KDM3A: variants seen among roughly 807,000 people sequenced by gnomAD.
The protein encoded by KDM3A is lysine demethylase 3A, also known as lysine-specific demethylase 3A.
In KDM3A, 60 loss-of-function variants were observed where a neutral mutation model predicts 158.0. The observed-to-expected ratio is 0.38, with a 90% CI of 0.31 to 0.47. The LOEUF (loss-of-function observed/expected upper bound fraction) is 0.47. Among genes scored for constraint, KDM3A ranks in the 20% least tolerant of loss-of-function variants. The pLI is 0.99. For missense variants in KDM3A, 1,319 were observed against 1,574.3 expected (o/e 0.84, Z 2.74); for synonymous variants, 608 against 549.3 (o/e 1.11, Z -1.49).
At position 86,466,593 on chromosome 2, in the gene KDM3A, T is replaced by G; in HGVS notation, c.1229T>G (p.Leu410Trp). 6.2e-7 allele frequency: 1 copy of G among 1,613,982 alleles called. No individual in the cohort carries two copies. The highest frequency in any genetic ancestry group is 8.5e-7 in the Non-Finnish European group (1 of 1,179,902). The change falls in exon 10 of 26, where the codon TTG becomes TGG. Residue 410 changes from leucine (L) to tryptophan (W), a missense_variant. By Grantham distance (61) the Leu-to-Trp change is moderately conservative. Around this residue, in one of 4 missense-constraint regions of KDM3A, gnomAD observed 652 missense variants for 627.2 expected, o/e 1.04. Transcript: ENST00000312912. ...ENRLESVPQA[L>W]TGLPKECLPT... ...AGATTGGAGTCTGTTCCACAAGCAT[T>G]GACTGGCCTTCCTAAGGAGTGCTTA...
At chr2:86,482,969 A>G in intron 18 of KDM3A, 5 of 423,276 alleles carry the variant, frequency 1.2e-5, no homozygotes, top group South Asian at 5.3e-5. Flanking sequence ...GGTGATTCCT[A>G]TGGTAAACTT....
intron 11 of KDM3A, among the ~76,000 whole-genome samples, chr2:86,473,660 G>A (rs1469017447): frequency 6.6e-6 from 1 of 152,152 alleles, no homozygotes; most frequent in African/African-American, 2.4e-5. Context: ...TAAGGTGGGA[G>A]GATTGCTGAA....
intron 23 of KDM3A, 123 bp downstream of exon 23, chr2:86,489,782 CTGTCAGAT>C (rs1223823027): frequency 7.8e-6 from 8 of 1,031,198 alleles, no homozygotes; most frequent in Non-Finnish European, 1.1e-5. Flanking sequence ...AAATCTGTAC[CTGTCAGAT>C]TGAATAGGCT....
rs753995569 is a variant in KDM3A at position 86,456,856 on chromosome 2, C to A, written c.733C>A (p.His245Asn). The change falls in exon 7 of 26, where the codon CAC becomes AAC. Residue 245 changes from histidine to asparagine, a missense_variant. Physicochemically the swap from His to Asn is moderately conservative, Grantham distance 68. Around this residue, in one of 4 missense-constraint regions of KDM3A, gnomAD observed 652 missense variants for 627.2 expected, o/e 1.04. Coordinates refer to ENST00000312912, the MANE Select transcript of KDM3A (RefSeq NM_018433.6). Reference sequence around the variant, plus strand: ...GTCACTGATTCATGTTGAAGTTGTACACGATAACCTTGTGACATGTGGTAA... The same window carrying A: ...GTCACTGATTCATGTTGAAGTTGTAAACGATAACCTTGTGACATGTGGTAA... ...DPSLIHVEVV[H>N]DNLVTCGNSA... The A allele has an allele frequency of 1.2e-6, 2 of 1,611,712 alleles. No individual in the cohort carries two copies. Among genetic ancestry groups the A allele is most frequent in the Non-Finnish European group, 1.7e-6 (2 of 1,178,060 alleles).
intron 8 of KDM3A, 78 bp from the exon 9 acceptor site, chr2:86,463,975 G>C: frequency 9.3e-7 from 1 of 1,073,614 alleles, no homozygotes; most frequent in Admixed American, 2.6e-5. Context: ...TTAAGCAAAT[G>C]ATCTTAAATT....
chr2:86,484,916 A>T (rs1292850148), intron 19 of KDM3A, 26 bp from the exon 20 acceptor site: 16 of 1,387,158 alleles, frequency 1.2e-5, no homozygotes, highest in Non-Finnish European at 1.6e-5. Context: ...TATAAATAGT[A>T]ATAGTTCATT....
intron 10 of KDM3A, chr2:86,467,351 A>AG (rs1205627667): frequency 6.5e-6 from 1 of 153,650 alleles, no homozygotes; most frequent in Non-Finnish European, 1.4e-5. Context: ...TGGAGTAGGA[A>AG]GAGGTGATCT....
chr2:86,460,399 A>G (rs1672878492), intron 8 of KDM3A, among the ~76,000 whole-genome samples: 1 of 152,170 alleles, frequency 6.6e-6, no homozygotes, highest in Non-Finnish European at 1.5e-5. Flanking sequence ...CTGGAGAGAT[A>G]AAGGGAGCAG....
chr2:86,466,318 A>C, intron 9 of KDM3A, 54 bp from the exon 10 acceptor site: 1 of 1,517,742 alleles, frequency 6.6e-7, no homozygotes, highest in East Asian at 2.3e-5. Flanking sequence ...TGGGGAAGAT[A>C]ATGGAGAGAT....
At chr2:86,480,094 T>C in intron 15 of KDM3A, 73 bp from the exon 16 acceptor site, 1 of 1,183,194 alleles carries the variant, frequency 8.5e-7, no homozygotes, top group Non-Finnish European at 1.3e-6. Flanking sequence ...GGTCGGCTAT[T>C]AGGAGAGAAG....
chr2:86,466,905 T>G (rs765533091), intron 10 of KDM3A, 22 bp downstream of exon 10: 17 of 1,546,578 alleles, frequency 1.1e-5, no homozygotes, highest in Admixed American at 1.9e-5. Context: ...TCAATATCTT[T>G]ATTGGTAGAA....
At chr2:86,439,256 T>A (rs1257473939), upstream of KDM3A, among the ~76,000 whole-genome samples, 1 of 152,006 alleles carries the variant, frequency 6.6e-6, no homozygotes, top group East Asian at 1.9e-4. Flanking sequence ...TAACCTGTCA[T>A]GGTGAATTTT....
chr2:86,478,054 C>T (rs1177707078), intron 13 of KDM3A, 25 bp downstream of exon 13: 8 of 1,613,844 alleles, frequency 5.0e-6, no homozygotes, highest in Non-Finnish European at 6.8e-6. Flanking sequence ...GATTCTCCTC[C>T]AGCCCCTCTA....
chr2:86,464,863 G>C (rs1490304883), intron 9 of KDM3A, among the ~76,000 whole-genome samples: 1 of 152,216 alleles, frequency 6.6e-6, no homozygotes, highest in Non-Finnish European at 1.5e-5. Flanking sequence ...AGGTCAGAGA[G>C]ACTGTGGTAT....
At chr2:86,462,615 A>G (rs1351666571) in intron 8 of KDM3A, among the ~76,000 whole-genome samples, 5 of 152,362 alleles carry the variant, frequency 3.3e-5, no homozygotes, top group Non-Finnish European at 7.3e-5. Flanking sequence ...AGTGTAATAT[A>G]TGATCAGATA....
rs1682891345 is a variant in KDM3A at position 86,444,868 on chromosome 2, G to A, written c.186+2635G>A. ...ACCACTTACTTAGATGACAAAAAGA[G>A]AATATGTCTAGTAGTTGGTTACAGA... On this transcript the variant is annotated intron_variant, in intron 2 of 25. Transcript: ENST00000312912. 3.9e-5 allele frequency among the ~76,000 whole-genome samples: 6 copies of A among 152,276 alleles called. 1 individual carries two copies. In the Middle Eastern group the frequency reaches 0.014, roughly 345 times the overall value.
intron 18 of KDM3A, chr2:86,483,764 C>G (rs934795757): frequency 7.5e-6 from 3 of 398,066 alleles, no homozygotes; most frequent in African/African-American, 4.1e-5. Context: ...CTCCTAGATG[C>G]TTACCCATGT....
intron 16 of KDM3A, 53 bp from the exon 17 acceptor site, chr2:86,481,877 G>A: frequency 1.4e-6 from 2 of 1,390,834 alleles, no homozygotes; most frequent in East Asian, 2.3e-5. Flanking sequence ...ATACTAATAA[G>A]GGATTTGCCT....
chr2:86,480,517 G>A (rs1180525002), intron 16 of KDM3A, among the ~76,000 whole-genome samples, 155 bp downstream of exon 16: 4 of 152,164 alleles, frequency 2.6e-5, no homozygotes, highest in Non-Finnish European at 4.4e-5. Flanking sequence ...TTGAAATGCA[G>A]CACCAAAGAG....
Sources: gnomAD v4.1 joint callset for allele counts (sites outside exome capture counted in the v4.1 genomes callset) on GRCh38, gnomAD v4.1.1 for gene constraint, gnomAD v4.1.1 regional missense constraint, MANE v1.5 for transcripts, NCBI Gene and HGNC (gene_info 2026-07-23, HGNC 2026-07-21) for gene names.